GPR137C: variants seen among roughly 807,000 people sequenced by gnomAD.
GPR137C encodes the protein integral membrane protein GPR137C.
A neutral mutation model predicts 43.4 loss-of-function variants in GPR137C; 27 were observed. That is an observed-to-expected ratio of 0.62 (90% CI 0.46 to 0.86). GPR137C has a LOEUF of 0.86. Ranked by LOEUF, GPR137C falls within the 40% of genes least tolerant of loss-of-function variation. The probability of loss-of-function intolerance (pLI) is 0.00; values close to 1 mark genes in which losing one functional copy is unlikely to be tolerated. For synonymous variants in GPR137C, 285 were observed against 226.9 expected, an observed-to-expected ratio of 1.26 and a Z score of -2.30; for missense variants, 522 against 534.6, an observed-to-expected ratio of 0.98 and a Z score of 0.23.
intron 1 of GPR137C, among the ~76,000 whole-genome samples, chr14:52,568,852 C>T (rs891753048): frequency 1.3e-5 from 2 of 152,214 alleles, no homozygotes; most frequent in African/African-American, 2.4e-5. Flanking sequence ...GGGGAAGGGG[C>T]GGCTGTGGGC....
intron 1 of GPR137C, 56 bp downstream of exon 1, chr14:52,553,647 T>G: frequency 1.8e-5 from 13 of 741,552 alleles, no homozygotes; most frequent in Non-Finnish European, 1.8e-5. Flanking sequence ...GCCGCCGGGA[T>G]CAACTCCCGC....
intron 1 of GPR137C, among the ~76,000 whole-genome samples, chr14:52,566,962 A>C (rs1163389089): frequency 6.6e-6 from 1 of 152,148 alleles, no homozygotes; most frequent in African/African-American, 2.4e-5. Flanking sequence ...AAATACAAAA[A>C]ATTAGCTGAG....
At chr14:52,583,170 A>T (rs148807962) in intron 1 of GPR137C, among the ~76,000 whole-genome samples, 2 of 152,214 alleles carry the variant, frequency 1.3e-5, no homozygotes, top group African/African-American at 4.8e-5. Context: ...TACATTATTT[A>T]CCATTCTGAA....
At chr14:52,620,945 A>G (rs888152662) in intron 3 of GPR137C, among the ~76,000 whole-genome samples, 12 of 151,914 alleles carry the variant, frequency 7.9e-5, no homozygotes, top group African/African-American at 2.9e-4. Flanking sequence ...ATGTGTAATT[A>G]TCATCCCCAA....
At chr14:52,579,920 A>G (rs778941538) in intron 1 of GPR137C, among the ~76,000 whole-genome samples, 5 of 152,240 alleles carry the variant, frequency 3.3e-5, no homozygotes, top group Non-Finnish European at 5.9e-5. Context: ...ATTCAGTATA[A>G]ACTATATTAT....
chr14:52,604,648 G>A (rs532863487), intron 3 of GPR137C, among the ~76,000 whole-genome samples: 12 of 151,964 alleles, frequency 7.9e-5, no homozygotes, highest in South Asian at 2.1e-4. Context: ...GGGTTTTGCC[G>A]TGTTGGCCAG....
At chr14:52,606,977 G>A (rs1243558960) in intron 3 of GPR137C, among the ~76,000 whole-genome samples, 1 of 151,836 alleles carries the variant, frequency 6.6e-6, no homozygotes, top group Non-Finnish European at 1.5e-5. Context: ...ATAGTTTCTG[G>A]TATGTTGTGT....
At chr14:52,614,744 C>T (rs2077638439) in intron 3 of GPR137C, among the ~76,000 whole-genome samples, 1 of 152,200 alleles carries the variant, frequency 6.6e-6, no homozygotes, top group Non-Finnish European at 1.5e-5. Context: ...GACTCAACCT[C>T]CCAAAGCATT....
In GPR137C at chr14:52,552,921, C is replaced by T. The variant is rs1005615927; in HGVS notation, c.-227C>T. On this transcript the variant is annotated 5_prime_UTR_variant, in exon 1 of 7. Transcript: ENST00000321662. ...TGTTTTTTGCAGCTACGGAGCCGAG[C>T]CGCAGCAGGAGGAGCCGAGACCCCC... Among the ~76,000 whole-genome samples, 1 of 151,816 alleles carries T rather than the reference C, an allele frequency of 6.6e-6. No homozygotes were observed. The highest frequency in any genetic ancestry group is 2.4e-5 in the African/African-American group (1 of 41,358).
chr14:52,554,396 C>T (rs923132689), intron 1 of GPR137C, among the ~76,000 whole-genome samples: 1 of 152,168 alleles, frequency 6.6e-6, no homozygotes, highest in Non-Finnish European at 1.5e-5. Context: ...AATCACACCC[C>T]CTTTCTCTTT....
chr14:52,567,118 A>C (rs2038383160), intron 1 of GPR137C, among the ~76,000 whole-genome samples: 1 of 151,948 alleles, frequency 6.6e-6, no homozygotes. Context: ...GTCTGAAAAA[A>C]AAGAAAAGAA....
At chr14:52,573,325 C>T (rs527802234) in intron 1 of GPR137C, among the ~76,000 whole-genome samples, 1 of 152,170 alleles carries the variant, frequency 6.6e-6, no homozygotes, top group Non-Finnish European at 1.5e-5. Flanking sequence ...TCAAACTATA[C>T]TACAAGGCTA....
chr14:52,611,625 CT>C, intron 3 of GPR137C: 1 of 530,682 alleles, frequency 1.9e-6, no homozygotes, highest in African/African-American at 2.1e-5. Context: ...CTTTTTTTGA[CT>C]TTTTAGTATC....
chr14:52,575,008 G>T (rs546622179), intron 1 of GPR137C, among the ~76,000 whole-genome samples: 8 of 152,198 alleles, frequency 5.3e-5, no homozygotes, highest in Admixed American at 2.0e-4. Context: ...CAGTTTTCTA[G>T]GGAGTCTAAA....
intron 1 of GPR137C, among the ~76,000 whole-genome samples, chr14:52,572,323 A>T (rs1419329102): frequency 6.6e-6 from 1 of 152,248 alleles, no homozygotes; most frequent in East Asian, 1.9e-4. Flanking sequence ...AATATCCCTG[A>T]TGAACATCAA....
At chr14:52,568,117 T>A (rs1276596082) in intron 1 of GPR137C, among the ~76,000 whole-genome samples, 1 of 152,026 alleles carries the variant, frequency 6.6e-6, no homozygotes, top group Non-Finnish European at 1.5e-5. Context: ...CTCATCTCAT[T>A]GGGACTGGTT....
intron 3 of GPR137C, chr14:52,611,912 T>C: frequency 4.1e-6 from 4 of 981,720 alleles, no homozygotes; most frequent in Non-Finnish European, 4.8e-6. Context: ...TGACTCGCTA[T>C]CATCTTCATC....
intron 3 of GPR137C, among the ~76,000 whole-genome samples, chr14:52,620,028 A>T (rs2039142469): frequency 6.6e-6 from 1 of 152,150 alleles, no homozygotes; most frequent in South Asian, 2.1e-4. Flanking sequence ...ATTCTGGACA[A>T]AGTGTAAAAA....
intron 1 of GPR137C, among the ~76,000 whole-genome samples, chr14:52,589,041 A>G (rs1339559092): frequency 6.6e-6 from 1 of 152,268 alleles, no homozygotes; most frequent in African/African-American, 2.4e-5. Context: ...GCAATGGAAT[A>G]TTATTCAGCC....
Sources: allele counts gnomAD v4.1 joint callset (sites outside exome capture counted in the v4.1 genomes callset), GRCh38; gene constraint gnomAD v4.1.1; transcripts MANE v1.5; gene names NCBI Gene and HGNC (gene_info 2026-07-23, HGNC 2026-07-21).